Variants in AKAP1 observed in about 807,000 individuals in gnomAD.
AKAP1 encodes A-kinase anchor protein 1, mitochondrial.
AKAP1 carries 32 observed loss-of-function variants against 79.8 expected under a neutral mutation model. The ratio of observed to expected loss-of-function variants is 0.40; its 90% CI spans 0.30 to 0.54. AKAP1 has a LOEUF of 0.54. Among genes scored for constraint, AKAP1 ranks in the 20% least tolerant of loss-of-function variants. The pLI is 0.47. For synonymous variants in AKAP1, 416 were observed against 466.7 expected, an observed-to-expected ratio of 0.89 and a Z score of 1.40; for missense variants, 961 against 1,138.9, an observed-to-expected ratio of 0.84 and a Z score of 2.25.
At chr17:57,107,286 T>G (rs546592366) in intron 2 of AKAP1, 108 bp downstream of exon 2, 4 of 1,462,252 alleles carry the variant, frequency 2.7e-6, no homozygotes, top group Non-Finnish European at 3.7e-6. Context: ...AAAGTCATAG[T>G]GCTCTTCAGC....
At chr17:57,097,095 ACCAGCACTTCAGCT>A (rs1333565522) in intron 1 of AKAP1, among the ~76,000 whole-genome samples, 1 of 152,006 alleles carries the variant, frequency 6.6e-6, no homozygotes, top group Non-Finnish European at 1.5e-5. Context: ...GTCTCGCCTG[ACCAGCACTTCAGCT>A]CCTAGGATTT....
intron 5 of AKAP1, among the ~76,000 whole-genome samples, chr17:57,113,254 G>A (rs1346618324): frequency 6.6e-6 from 1 of 152,222 alleles, no homozygotes; most frequent in African/African-American, 2.4e-5. Flanking sequence ...ATCCTGCCGT[G>A]TGCCTCTGGC....
intron 1 of AKAP1, among the ~76,000 whole-genome samples, chr17:57,099,207 G>A (rs950707714): frequency 2.0e-5 from 3 of 152,132 alleles, no homozygotes; most frequent in Admixed American, 6.5e-5. Flanking sequence ...TTGGAGGATG[G>A]TTCACATCTC....
At chr17:57,099,226 A>G (rs145501685) in intron 1 of AKAP1, among the ~76,000 whole-genome samples, 63 of 152,224 alleles carry the variant, frequency 4.1e-4, no homozygotes, top group African/African-American at 1.4e-3. Flanking sequence ...TCTAGGCACA[A>G]TTCCCTGGTA....
intron 1 of AKAP1, among the ~76,000 whole-genome samples, chr17:57,097,725 C>T (rs113300398): frequency 2.0e-3 from 312 of 152,352 alleles, no homozygotes; most frequent in Non-Finnish European, 2.8e-3. Flanking sequence ...GGTAGAACAC[C>T]TGGGGACAGC....
intron 1 of AKAP1, 55 bp from the exon 2 acceptor site, chr17:57,105,386 A>G: frequency 6.5e-7 from 1 of 1,544,850 alleles, no homozygotes; most frequent in Non-Finnish European, 8.9e-7. Flanking sequence ...GGTTGCCAGT[A>G]TCCTCCTACC....
At chr17:57,087,537 G>A (rs2144611773) in intron 1 of AKAP1, among the ~76,000 whole-genome samples, 1 of 152,348 alleles carries the variant, frequency 6.6e-6, no homozygotes, top group African/African-American at 2.4e-5. Flanking sequence ...GCTGGTGTTA[G>A]CCTCTACAGT....
intron 1 of AKAP1, chr17:57,095,257 GT>G (rs1432549430): frequency 2.0e-5 from 3 of 152,032 alleles, no homozygotes; most frequent in Admixed American, 6.6e-5. Context: ...TGCCTCCTGG[GT>G]TCAAGCAATT....
At chr17:57,099,357 G>A (rs1597967793) in intron 1 of AKAP1, among the ~76,000 whole-genome samples, 2 of 152,188 alleles carry the variant, frequency 1.3e-5, no homozygotes, top group Non-Finnish European at 2.9e-5. Context: ...GGTGTGAGAA[G>A]GGCTTTATCT....
chr17:57,114,054 C>G (rs1354244311), intron 5 of AKAP1, among the ~76,000 whole-genome samples: 2 of 152,162 alleles, frequency 1.3e-5, no homozygotes, highest in Non-Finnish European at 2.9e-5. Flanking sequence ...CAGCGGCCAC[C>G]TCATTCCTGT....
intron 6 of AKAP1, among the ~76,000 whole-genome samples, chr17:57,114,902 C>CTT (rs71363891): frequency 2.0e-4 from 29 of 147,732 alleles, no homozygotes; most frequent in African/African-American, 6.0e-4. Context: ...TTAATTTTTT[C>CTT]TTTTTTTTTT....
intron 1 of AKAP1, among the ~76,000 whole-genome samples, chr17:57,090,972 T>C (rs917767434): frequency 1.3e-5 from 2 of 152,130 alleles, no homozygotes; most frequent in African/African-American, 4.8e-5. Context: ...GGCCTCCTGA[T>C]TAGAGGAGGC....
At chr17:57,099,758 A>C (rs1331601468) in intron 1 of AKAP1, among the ~76,000 whole-genome samples, 1 of 152,136 alleles carries the variant, frequency 6.6e-6, no homozygotes, top group Non-Finnish European at 1.5e-5. Flanking sequence ...TGTGGCCTGC[A>C]GTGGTGATTC....
Position 57,119,037 on chromosome 17 carries a change from G to A in AKAP1, c.2630G>A (p.Gly877Glu). The change falls in exon 10 of 11, where the codon GGA becomes GAA. Residue 877 changes from glycine (G) to glutamate (E), a missense_variant. Transcript: ENST00000337714. ...CTGATTCAGCTGTGGAGTGTGGTTG[G>A]AGATGAAGTAAGTTCTGCCCTTCTT... ...LPLIQLWSVV[G>E]DEVVLINRSL... The A allele has an allele frequency of 6.2e-7, 1 of 1,613,838 alleles. No homozygotes were observed. The highest frequency in any genetic ancestry group is 1.7e-5 in the Admixed American group (1 of 60,028).
intron 1 of AKAP1, among the ~76,000 whole-genome samples, chr17:57,087,243 T>G (rs370959777): frequency 5.6e-4 from 86 of 152,290 alleles, no homozygotes; most frequent in African/African-American, 1.8e-3. Flanking sequence ...TCCTAGCCAA[T>G]GAGTGAGACA....
At position 57,106,799 on chromosome 17, in the gene AKAP1, C is replaced by T. The variant is rs1405407295; in HGVS notation, c.1335C>T (p.Ser445=). ...GCTGCCTGAAGAGCCTTCTGTCCAG[C>T]CCCACCAAGGACAGTAAGCCAAATA... ...YVSCLKSLLS[S]PTKDSKPNIS... is the part of the protein sequence containing the mutation. Residue 445 remains serine (S), a synonymous_variant, in exon 2 of 11, where the codon AGC becomes AGT. Coordinates refer to ENST00000337714, the MANE Select transcript of AKAP1 (RefSeq NM_003488.4). 7.4e-6 allele frequency: 12 copies of T among 1,614,130 alleles called. No homozygotes were observed. The highest frequency in any genetic ancestry group is 9.3e-6 in the Non-Finnish European group (11 of 1,180,038).
In AKAP1 at chr17:57,103,089, A is replaced by G. The variant is rs558965291; in HGVS notation, c.-24-2352A>G. Among the ~76,000 whole-genome samples, 15 of 152,296 alleles carry G rather than the reference A, an allele frequency of 9.8e-5. No homozygotes were observed. In the South Asian group the frequency reaches 3.1e-3, roughly 32 times the overall value. On this transcript the variant is annotated intron_variant, in intron 1 of 10. Coordinates refer to ENST00000337714, the MANE Select transcript of AKAP1 (RefSeq NM_003488.4). ...GAGATAAAAGGAAAACAATCTAGCA[A>G]GGTTCTGTGTTTGAATGTGAAGCAA... is the stretch of plus-strand genomic sequence containing the variant.
intron 2 of AKAP1, chr17:57,107,835 G>GGT: frequency 1.8e-6 from 1 of 561,356 alleles, no homozygotes; most frequent in Non-Finnish European, 3.0e-6. Context: ...GCTCTTACAG[G>GGT]GTAAGTGCCC....
chr17:57,112,755 T>C, intron 5 of AKAP1, 137 bp downstream of exon 5: 2 of 1,282,506 alleles, frequency 1.6e-6, no homozygotes, highest in East Asian at 4.8e-5. Flanking sequence ...TGGCCTCTGC[T>C]GGTCGGTTCT....
Sources: gnomAD v4.1 joint callset for allele counts (sites outside exome capture counted in the v4.1 genomes callset) on GRCh38, gnomAD v4.1.1 for gene constraint, MANE v1.5 for transcripts, NCBI Gene and HGNC (gene_info 2026-07-23, HGNC 2026-07-21) for gene names.